WDR62: variants seen among roughly 807,000 people sequenced by gnomAD.
The protein encoded by WDR62 is WD repeat-containing protein 62.
In WDR62, 112 loss-of-function variants were observed where a neutral mutation model predicts 160.6. That is an observed-to-expected ratio of 0.70 (90% CI 0.60 to 0.82). The LOEUF (loss-of-function observed/expected upper bound fraction) is 0.82. Ranked by LOEUF, WDR62 falls within the 40% of genes least tolerant of loss-of-function variation. WDR62 has a pLI of 0.00. For synonymous variants in WDR62, 792 were observed against 815.1 expected, an observed-to-expected ratio of 0.97 and a Z score of 0.48; for missense variants, 1,819 against 1,983.8, an observed-to-expected ratio of 0.92 and a Z score of 1.58.
intron 16 of WDR62, among the ~76,000 whole-genome samples, chr19:36,090,783 C>T (rs1972548923): frequency 1.3e-5 from 2 of 152,296 alleles, no homozygotes; most frequent in South Asian, 4.1e-4. Context: ...TGGGAAGAAT[C>T]AGAGGCATGA....
chr19:36,057,162 A>C (rs59849140), intron 1 of WDR62, among the ~76,000 whole-genome samples: 4,863 of 152,246 alleles, frequency 0.032, 161 homozygotes, highest in African/African-American at 0.092. Context: ...GTAAAATGAG[A>C]ATAATGATGT....
At chr19:36,092,246 A>G (rs1262335136) in intron 18 of WDR62, among the ~76,000 whole-genome samples, 1 of 151,046 alleles carries the variant, frequency 6.6e-6, no homozygotes, top group Non-Finnish European at 1.5e-5. Flanking sequence ...GGGAGGTAGA[A>G]GTTGCAGTGA....
rs1213710245 is a variant in WDR62, at chr19:36,089,087, C to CT, written c.1821dup (p.Arg608SerfsTer26). The CT allele has an allele frequency of 1.8e-5, 29 of 1,614,052 alleles. No individual in the cohort carries two copies. The highest frequency in any genetic ancestry group is 2.4e-5 in the Non-Finnish European group (28 of 1,180,040). ...GCTGTGGGGCTGACAAGAGCATCTA[C>CT]TTTCGCAGTGCCCAGCAGGTAGGGT... On this transcript the variant is annotated frameshift_variant, in exon 14 of 32. Coordinates refer to ENST00000401500, the MANE Select transcript of WDR62 (RefSeq NM_001083961.2). LOFTEE classifies it high-confidence loss of function.
Position 36,101,276 on chromosome 19 carries a change from G to A in WDR62, c.2930G>A (p.Arg977Lys). Residue 977 changes from arginine to lysine, a missense_variant, in exon 24 of 32, where the codon AGG becomes AAG. Around this residue, in one of 3 missense-constraint regions of WDR62, gnomAD observed 770 missense variants for 734.2 expected, o/e 1.05. Coordinates refer to ENST00000401500, the MANE Select transcript of WDR62 (RefSeq NM_001083961.2). ...GACCAGCAGGGCGACTCCTACCTCA[G>A]GGTGTCCTCCGACAGCCCAAAGGAC... ...PGDQQGDSYL[R>K]VSSDSPKDQS... 1.9e-6 allele frequency: 3 copies of A among 1,612,936 alleles called. No homozygotes were observed. The highest frequency in any genetic ancestry group is 2.5e-6 in the Non-Finnish European group (3 of 1,179,788).
At position 36,105,048 on chromosome 19, in the gene WDR62, C is replaced by A; in HGVS notation, c.*20C>A. 2.5e-6 allele frequency: 4 copies of A among 1,590,470 alleles called. No homozygotes were observed. The highest frequency in any genetic ancestry group is 2.6e-6 in the Non-Finnish European group (3 of 1,174,802). On this transcript the variant is annotated 3_prime_UTR_variant, in exon 32 of 32. Coordinates refer to ENST00000401500, the MANE Select transcript of WDR62 (RefSeq NM_001083961.2). ...CACTGAGGGCGCAGCCCCTCCACCG[C>A]AGCCCTGCTGCTTCTGAGGACTTAG... is the stretch of plus-strand genomic sequence containing the variant.
At position 36,089,234 on chromosome 19, in the gene WDR62, C is replaced by A; in HGVS notation, c.1886C>A (p.Thr629Asn). ...CGTACCCACCACGTAGCAGAGAAAA[C>A]CACCTTGTATGACATGGACATTGAC... is the stretch of plus-strand genomic sequence containing the variant. ...FVRTHHVAEK[T>N]TLYDMDIDIT... Residue 629 changes from threonine to asparagine, a missense_variant, in exon 15 of 32, where the codon ACC becomes AAC. By Grantham distance (65) the Thr-to-Asn change is moderately conservative (BLOSUM62 0). Around this residue, in one of 3 missense-constraint regions of WDR62, gnomAD observed 934 missense variants for 1,157.2 expected, o/e 0.81. Coordinates refer to ENST00000401500, the MANE Select transcript of WDR62 (RefSeq NM_001083961.2). 1 of 1,614,218 alleles carries A rather than the reference C, an allele frequency of 6.2e-7. No individual in the cohort carries two copies. The highest frequency in any genetic ancestry group is 8.5e-7 in the Non-Finnish European group (1 of 1,180,048).
chr19:36,063,149 T>A (rs1970750891), intron 3 of WDR62, among the ~76,000 whole-genome samples: 1 of 152,224 alleles, frequency 6.6e-6, no homozygotes, highest in African/African-American at 2.4e-5. Flanking sequence ...TTCCCCATGT[T>A]GGCCAGGATG....
intron 10 of WDR62, 69 bp from the exon 11 acceptor site, chr19:36,082,994 A>G (rs896370423): frequency 7.1e-6 from 10 of 1,408,504 alleles, no homozygotes; most frequent in African/African-American, 5.7e-5. Flanking sequence ...GAGACTGGCT[A>G]TGGAGGGACA....
In WDR62 at chr19:36,089,029, C is replaced by T. The variant is rs1426139803; in HGVS notation, c.1769-9C>T. The T allele has an allele frequency of 1.9e-6, 3 of 1,613,928 alleles. No individual in the cohort carries two copies. The highest frequency in any genetic ancestry group is 2.7e-5 in the African/African-American group (2 of 75,056). ...GCCCTGCCTAACACACAGCGTCCTC[C>T]TCCCCTAGGCAACAGAGACATCCAG... On this transcript the variant is annotated splice_polypyrimidine_tract_variant and intron_variant, in intron 13 of 31. Coordinates refer to ENST00000401500, the MANE Select transcript of WDR62 (RefSeq NM_001083961.2).
At chr19:36,084,849 C>T in intron 12 of WDR62, 105 bp downstream of exon 12, 1 of 1,115,926 alleles carries the variant, frequency 9.0e-7, no homozygotes, top group African/African-American at 1.5e-5. Flanking sequence ...TGGATGACAG[C>T]TGGGAGTTTT....
At chr19:36,085,683 C>T (rs2145739275) in intron 12 of WDR62, among the ~76,000 whole-genome samples, 1 of 152,042 alleles carries the variant, frequency 6.6e-6, no homozygotes. Context: ...AGTAGGGTCT[C>T]CAGACCTCAT....
At chr19:36,063,886 A>G (rs1245308030) in intron 3 of WDR62, among the ~76,000 whole-genome samples, 2 of 152,216 alleles carry the variant, frequency 1.3e-5, no homozygotes, top group Non-Finnish European at 2.9e-5. Context: ...AACTAATCTT[A>G]GGCTTTGACA....
intron 22 of WDR62, 42 bp downstream of exon 22, chr19:36,099,659 G>GT (rs765111922): frequency 6.2e-7 from 1 of 1,601,910 alleles, no homozygotes; most frequent in Non-Finnish European, 8.5e-7. Flanking sequence ...CCCCGGCACC[G>GT]TGACGGCCCC....
chr19:36,095,984 C>T (rs1328505280), intron 20 of WDR62, among the ~76,000 whole-genome samples: 1 of 152,198 alleles, frequency 6.6e-6, no homozygotes, highest in Non-Finnish European at 1.5e-5. Context: ...GTTAATGAGG[C>T]TATGGAGTGG....
chr19:36,071,202 CAAAAA>C (rs111636638), intron 7 of WDR62: 19,853 of 230,770 alleles, frequency 0.086, 931 homozygotes, highest in South Asian at 0.1. Context: ...AACTCTATCT[CAAAAA>C]AAAAAAAAAA....
intron 9 of WDR62, chr19:36,075,456 T>TC (rs55994111): frequency 0.14 from 20,874 of 151,956 alleles, 1,779 homozygotes; most frequent in Middle Eastern, 0.25. Context: ...CAGCTTTTTT[T>TC]CCCCCCCAAG....
In WDR62 at chr19:36,054,926, C is replaced by T. The variant is rs764684478; in HGVS notation, c.-46C>T. The T allele has an allele frequency of 7.1e-6, 11 of 1,549,284 alleles. No individual in the cohort carries two copies. In the South Asian group the frequency reaches 9.4e-5, roughly 13 times the overall value. On this transcript the variant is annotated 5_prime_UTR_variant, in exon 1 of 32. Coordinates refer to ENST00000401500, the MANE Select transcript of WDR62 (RefSeq NM_001083961.2). ...TTCCAGTGGGTCGTGGCGGTGGCGG[C>T]AGCGGCGGTTAGGGGATGTAACGGT... is the stretch of plus-strand genomic sequence containing the variant.
chr19:36,077,181 C>A (rs888568358), intron 9 of WDR62, among the ~76,000 whole-genome samples: 3 of 152,120 alleles, frequency 2.0e-5, no homozygotes, highest in Non-Finnish European at 4.4e-5. Flanking sequence ...CCCACTCCCC[C>A]CATCCATGGA....
At chr19:36,085,519 G>GAAGCGATTCCCCTGCGTTC (rs1972171844) in intron 12 of WDR62, among the ~76,000 whole-genome samples, 1 of 148,672 alleles carries the variant, frequency 6.7e-6, no homozygotes, top group Non-Finnish European at 1.5e-5. Flanking sequence ...CTCCCAGGTT[G>GAAGCGATTCCCCTGCGTTC]AAGCGATTCC....
Sources: gnomAD v4.1 joint callset for allele counts (sites outside exome capture counted in the v4.1 genomes callset) on GRCh38, gnomAD v4.1.1 for gene constraint, gnomAD v4.1.1 regional missense constraint, MANE v1.5 for transcripts, NCBI Gene and HGNC (gene_info 2026-07-23, HGNC 2026-07-21) for gene names.